The following RBFOX1 variants were observed in gnomAD, a reference collection of about 807,000 sequenced individuals.
RBFOX1 encodes the protein RNA binding fox-1 homolog 1, also known as RNA binding protein fox-1 homolog 1.
In RBFOX1, 8 loss-of-function variants were observed where a neutral mutation model predicts 57.7. The ratio of observed to expected loss-of-function variants is 0.14; its 90% CI spans 0.08 to 0.25. The LOEUF is 0.25. Among genes scored for constraint, RBFOX1 ranks in the 10% least tolerant of loss-of-function variants. The probability of loss-of-function intolerance (pLI) is 1.00; values close to 1 mark genes in which losing one functional copy is unlikely to be tolerated. For missense variants in RBFOX1, 611 were observed against 548.5 expected (o/e 1.11, Z -1.14); for synonymous variants, 326 against 222.4 (o/e 1.47, Z -4.15).
chr16:6,683,617 G>T (rs2058997445), intron 3 of RBFOX1, among the ~76,000 whole-genome samples: 1 of 152,132 alleles, frequency 6.6e-6, no homozygotes, highest in African/African-American at 2.4e-5. Context: ...CTGTGTTTGT[G>T]TTTGCATATC....
chr16:7,639,476 C>T (rs992732792), intron 11 of RBFOX1, among the ~76,000 whole-genome samples: 1 of 152,108 alleles, frequency 6.6e-6, no homozygotes, highest in Non-Finnish European at 1.5e-5. Flanking sequence ...TTCATTCAAC[C>T]AATCTTTATT....
intron 3 of RBFOX1, among the ~76,000 whole-genome samples, chr16:5,857,249 C>A (rs1307747729): frequency 1.3e-5 from 2 of 152,092 alleles, no homozygotes; most frequent in Non-Finnish European, 2.9e-5. Flanking sequence ...GTAAACCTCC[C>A]ATCCTATGGG....
chr16:7,670,295 G>C (rs566667412), intron 13 of RBFOX1, among the ~76,000 whole-genome samples: 1 of 152,270 alleles, frequency 6.6e-6, no homozygotes, highest in East Asian at 1.9e-4. Context: ...GCCTCCCAAA[G>C]TGCTAGGATT....
At chr16:7,114,460 T>A (rs1208769685) in intron 4 of RBFOX1, among the ~76,000 whole-genome samples, 1 of 152,186 alleles carries the variant, frequency 6.6e-6, no homozygotes, top group East Asian at 1.9e-4. Flanking sequence ...CATGAAAGCA[T>A]GAGTGAGTGC....
chr16:6,145,339 A>G (rs1464517066), intron 1 of RBFOX1, among the ~76,000 whole-genome samples: 5 of 151,840 alleles, frequency 3.3e-5, no homozygotes, highest in East Asian at 3.9e-4. Flanking sequence ...CTCCAACTCC[A>G]TCCATGTCCC....
At chr16:6,259,527 T>G (rs1567795849) in intron 1 of RBFOX1, among the ~76,000 whole-genome samples, 1 of 152,164 alleles carries the variant, frequency 6.6e-6, no homozygotes, top group African/African-American at 2.4e-5. Context: ...CAAACTCACT[T>G]TGCCTTCCTG....
At chr16:6,687,427 C>G (rs918469482) in intron 3 of RBFOX1, among the ~76,000 whole-genome samples, 5 of 152,216 alleles carry the variant, frequency 3.3e-5, no homozygotes, top group African/African-American at 4.8e-5. Flanking sequence ...TTGTATTACC[C>G]AAAGGCTACT....
At chr16:5,654,965 C>G (rs2151375664) in intron 3 of RBFOX1, among the ~76,000 whole-genome samples, 1 of 152,270 alleles carries the variant, frequency 6.6e-6, no homozygotes, top group Non-Finnish European at 1.5e-5. Flanking sequence ...CAAGTAGAGG[C>G]TCTCCTGCTT....
chr16:7,221,445 C>T (rs959117218), intron 4 of RBFOX1, among the ~76,000 whole-genome samples: 30 of 152,046 alleles, frequency 2.0e-4, no homozygotes, highest in African/African-American at 7.2e-4. Context: ...TGGCTCACTG[C>T]AACCTCTCCC....
intron 3 of RBFOX1, among the ~76,000 whole-genome samples, chr16:6,968,690 G>A (rs145922465): frequency 5.3e-5 from 8 of 152,210 alleles, no homozygotes; most frequent in East Asian, 1.9e-4. Context: ...GCCTCCCATC[G>A]AGTACACATA....
chr16:6,532,946 G>A (rs994914558), intron 2 of RBFOX1, among the ~76,000 whole-genome samples: 1 of 152,134 alleles, frequency 6.6e-6, no homozygotes. Flanking sequence ...CTGTACAAAG[G>A]ACAGTCTCCC....
chr16:6,322,438 A>C (rs1034894003), intron 2 of RBFOX1, among the ~76,000 whole-genome samples: 1 of 152,182 alleles, frequency 6.6e-6, no homozygotes, highest in African/African-American at 2.4e-5. Context: ...TGGTCTCACC[A>C]GTTGGGATAG....
intron 3 of RBFOX1, among the ~76,000 whole-genome samples, chr16:6,965,270 C>G (rs185054045): frequency 1.1e-4 from 16 of 151,836 alleles, no homozygotes; most frequent in African/African-American, 3.6e-4. Flanking sequence ...GAATTCAGGA[C>G]TAGAATGACC....
chr16:7,000,765 T>C (rs1005992463), intron 3 of RBFOX1, among the ~76,000 whole-genome samples: 1 of 151,864 alleles, frequency 6.6e-6, no homozygotes, highest in Non-Finnish European at 1.5e-5. Flanking sequence ...CCATCATGCC[T>C]GGCTAACTTT....
chr16:6,788,710 C>G (rs530813171), intron 3 of RBFOX1, among the ~76,000 whole-genome samples: 1 of 151,484 alleles, frequency 6.6e-6, no homozygotes, highest in Non-Finnish European at 1.5e-5. Context: ...CTCCTGATCT[C>G]GTGATCCGCC....
chr16:7,014,541 G>C (rs1325939271), intron 3 of RBFOX1, among the ~76,000 whole-genome samples: 1 of 151,992 alleles, frequency 6.6e-6, no homozygotes. Flanking sequence ...CAAAGTGCTA[G>C]AATTACAGGA....
chr16:6,997,460 A>C (rs547922449), intron 3 of RBFOX1, among the ~76,000 whole-genome samples: 1 of 152,314 alleles, frequency 6.6e-6, no homozygotes, highest in Non-Finnish European at 1.5e-5. Flanking sequence ...TTGCACCAGC[A>C]ATAAACTTTA....
chr16:6,305,822 C>A (rs2079442572), intron 1 of RBFOX1, among the ~76,000 whole-genome samples: 1 of 151,978 alleles, frequency 6.6e-6, no homozygotes, highest in Non-Finnish European at 1.5e-5. Flanking sequence ...GTGGGTATGA[C>A]TTCCAAGTTC....
Position 6,940,544 on chromosome 16 carries a change from A to C in RBFOX1, c.-15-111513A>C, listed in dbSNP as rs111750558. Among the ~76,000 whole-genome samples, 3 of 152,236 alleles carry C rather than the reference A, an allele frequency of 2.0e-5. No individual in the cohort carries two copies. The East Asian group carries it at 5.8e-4, about 29-fold the overall frequency. On this transcript the variant is annotated intron_variant, in intron 3 of 15. Transcript: ENST00000550418. The stretch of plus-strand genomic sequence containing the variant: ...CTTTGAATGAAATTCCTCTAAATCT[A>C]ATTCATCCTCTTGGAGAGAAGCAAA...
Sources: gnomAD v4.1 joint callset for allele counts (sites outside exome capture counted in the v4.1 genomes callset) on GRCh38, gnomAD v4.1.1 for gene constraint, MANE v1.5 for transcripts, NCBI Gene and HGNC (gene_info 2026-07-23, HGNC 2026-07-21) for gene names.